CLBA1: variants seen among roughly 807,000 people sequenced by gnomAD.
CLBA1 encodes the protein uncharacterized protein CLBA1.
Under a neutral mutation model 28.8 loss-of-function variants are expected in CLBA1, and 30 were observed. The ratio of observed to expected loss-of-function variants is 1.04; its 90% confidence interval spans 0.78 to 1.41. The LOEUF is 1.41. Among genes scored for constraint, CLBA1 ranks in the 40% most tolerant of loss-of-function variants. The probability of loss-of-function intolerance (pLI) is 0.00; values close to 1 mark genes in which losing one functional copy is unlikely to be tolerated. For missense variants in CLBA1, 451 were observed against 412.3 expected, an observed-to-expected ratio of 1.09 and a Z score of -0.81; for synonymous variants, 160 against 152.8, an observed-to-expected ratio of 1.05 and a Z score of -0.35.
chr14:104,996,690 T>C (rs980218124), downstream of CLBA1, among the ~76,000 whole-genome samples: 2 of 152,246 alleles, frequency 1.3e-5, no homozygotes, highest in Non-Finnish European at 2.9e-5. Flanking sequence ...GCAGTCCGGC[T>C]GAAGAACGGA....
chr14:104,989,924 G>A (rs2819465), intron 2 of CLBA1: 12,871 of 342,950 alleles, frequency 0.038, 1,614 homozygotes, highest in African/African-American at 0.26. Flanking sequence ...CGTGTCCTCT[G>A]CTGGGGTCCA....
At chr14:104,998,390 G>A (rs1430723931), downstream of CLBA1, among the ~76,000 whole-genome samples, 2 of 151,614 alleles carry the variant, frequency 1.3e-5, no homozygotes, top group East Asian at 3.9e-4. Context: ...CTCCAGCCTG[G>A]GCAACAGAGT....
downstream of CLBA1, among the ~76,000 whole-genome samples, chr14:104,997,669 G>A (rs2140901537): frequency 6.6e-6 from 1 of 152,312 alleles, no homozygotes; most frequent in East Asian, 1.9e-4. Flanking sequence ...CACATCTGCG[G>A]TGCTGAAGGG....
In CLBA1 at chr14:104,994,579, T is replaced by G; in HGVS notation, c.817-19T>G. ...ATTGCCCGGGGTGCGCGCGCCTGACTGCTGTCCTCTCATCTCAGCTCTCGG... is the reference window on the plus strand; with the variant it reads ...ATTGCCCGGGGTGCGCGCGCCTGACGGCTGTCCTCTCATCTCAGCTCTCGG... On this transcript the variant is annotated intron_variant, in intron 4 of 4. Coordinates refer to ENST00000547315, the MANE Select transcript of CLBA1 (RefSeq NM_174891.4). 1 of 1,595,596 alleles carries G rather than the reference T, an allele frequency of 6.3e-7. No homozygotes were observed. The highest frequency in any genetic ancestry group is 8.5e-7 in the Non-Finnish European group (1 of 1,176,036).
intron 1 of CLBA1, 112 bp from the exon 2 acceptor site, chr14:104,988,831 T>C (rs1595442241): frequency 9.0e-7 from 1 of 1,112,844 alleles, no homozygotes; most frequent in East Asian, 2.4e-5. Context: ...GTAACACTAA[T>C]GGTATGATCA....
At position 104,990,106 on chromosome 14, in the gene CLBA1, C is replaced by T. The variant is rs1402634721; in HGVS notation, c.569+1018C>T. ...GGAGAATGTGGTCCCAGCAAGCTGA[C>T]GGTGGGGGTGGGCTCTGTGCTGGCA... On this transcript the variant is annotated intron_variant, in intron 2 of 4. Coordinates refer to ENST00000547315, the MANE Select transcript of CLBA1 (RefSeq NM_174891.4). 2.6e-5 allele frequency: 5 copies of T among 190,208 alleles called. 1 individual carries two copies. Among genetic ancestry groups the T allele is most frequent in the South Asian group, 2.1e-4 (2 of 9,450 alleles). The allele number at this position is 190,208 out of a possible 1,614,324, so 11.8% of individuals were successfully genotyped here. A position where few individuals can be genotyped will look rare whatever the true frequency, so the allele number is the denominator to read the frequency against.
Position 104,986,866 on chromosome 14 carries a change from G to C in CLBA1, c.423+12G>C. ...TCCCACCTTCTGAGGTATTTCTGCTGTGCTGTGGTCACCATGTTGAGTGGG... is the reference window on the plus strand; with the variant it reads ...TCCCACCTTCTGAGGTATTTCTGCTCTGCTGTGGTCACCATGTTGAGTGGG... On this transcript the variant is annotated intron_variant, in intron 1 of 4. Coordinates refer to ENST00000547315, the MANE Select transcript of CLBA1 (RefSeq NM_174891.4). 1 of 1,611,324 alleles carries C rather than the reference G, an allele frequency of 6.2e-7. No homozygotes were observed.
At chr14:104,988,920 T>C in intron 1 of CLBA1, 23 bp from the exon 2 acceptor site, 1 of 1,579,554 alleles carries the variant, frequency 6.3e-7, no homozygotes. Context: ...AACTTTGGTA[T>C]GCTTTTCTTC....
intron 2 of CLBA1, 124 bp from the exon 3 acceptor site, chr14:104,991,367 G>A (rs1900013502): frequency 4.2e-6 from 5 of 1,189,228 alleles, no homozygotes; most frequent in Non-Finnish European, 4.8e-6. Flanking sequence ...TACGCCTCTT[G>A]GCTTGTGCGC....
chr14:104,998,845 CAGTGCA>C (rs376736134), downstream of CLBA1, among the ~76,000 whole-genome samples: 5 of 152,256 alleles, frequency 3.3e-5, no homozygotes, highest in African/African-American at 1.2e-4. Context: ...GGAGCAGAGC[CAGTGCA>C]AACACGGGGC....
chr14:104,993,962 C>T (rs1170416996), intron 4 of CLBA1: 1 of 985,010 alleles, frequency 1.0e-6, no homozygotes, highest in Non-Finnish European at 1.2e-6. Flanking sequence ...CCAGGGTCAG[C>T]TTCTGGGCAA....
In CLBA1 at chr14:104,989,505, T is replaced by A. The variant is rs1318199881; in HGVS notation, c.569+417T>A. The A allele has an allele frequency of 4.5e-5, 20 of 444,746 alleles. No homozygotes were observed. In the East Asian group the frequency reaches 1.4e-3, roughly 31 times the overall value. 27.5% of individuals were successfully genotyped at this position (444,746 alleles called of 1,614,324 possible). A position where few individuals can be genotyped will look rare whatever the true frequency, so the allele number is the denominator to read the frequency against. On this transcript the variant is annotated intron_variant, in intron 2 of 4. Transcript: ENST00000547315. ...TCAGCCACAGAGTTCTAGAAAACGT[T>A]CCACACTCTGGAGCCCCATTGTCAG...
chr14:104,994,212 C>T (rs186604359), intron 4 of CLBA1: 9 of 985,428 alleles, frequency 9.1e-6, no homozygotes, highest in Non-Finnish European at 1.1e-5. Context: ...GGGGAGACGT[C>T]CAGCCGCAGC....
chr14:104,992,082 GCACATGCCTCA>G (rs1447887931), intron 3 of CLBA1, among the ~76,000 whole-genome samples: 1 of 121,792 alleles, frequency 8.2e-6, no homozygotes, highest in Non-Finnish European at 1.7e-5. Flanking sequence ...ACCCCGCCAC[GCACATGCCTCA>G]CACACCACCA....
At position 104,995,357 on chromosome 14, in the gene CLBA1, G is replaced by A; in HGVS notation, c.*598G>A. 1.0e-6 allele frequency: 1 copy of A among 985,474 alleles called. No individual in the cohort carries two copies. Among genetic ancestry groups the A allele is most frequent in the South Asian group, 4.7e-5 (1 of 21,280 alleles). 61.0% of individuals were successfully genotyped at this position (985,474 alleles called of 1,614,324 possible). A position where few individuals can be genotyped will look rare whatever the true frequency, so the allele number is the denominator to read the frequency against. On this transcript the variant is annotated 3_prime_UTR_variant, in exon 5 of 5. Transcript: ENST00000547315. ...CAAGGACAGGCCTTTGTCCCTCACG[G>A]TTGTGGACAGGAGGTCGCACCACTG...
rs754114069 is a variant in CLBA1 at position 104,994,690 on chromosome 14, T to C, written c.909T>C (p.Thr303=). Residue 303 remains threonine, a synonymous_variant, in exon 5 of 5, where the codon ACT becomes ACC. Coordinates refer to ENST00000547315, the MANE Select transcript of CLBA1 (RefSeq NM_174891.4). ...TPSCGGGQHI[T]IPRKRMFTPR... Reference sequence around the variant, plus strand: ...CATGCGGAGGTGGCCAGCACATCACTATTCCAAGGAAAAGGATGTTCACTC... The same window carrying C: ...CATGCGGAGGTGGCCAGCACATCACCATTCCAAGGAAAAGGATGTTCACTC... 1.9e-6 allele frequency: 3 copies of C among 1,613,992 alleles called. No individual in the cohort carries two copies. Among genetic ancestry groups the C allele is most frequent in the Non-Finnish European group, 2.5e-6 (3 of 1,179,932 alleles).
chr14:104,993,484 G>A lies in CLBA1; in HGVS notation c.816+420G>A, dbSNP rs371598719. ...GGATCTGACTGGCGGCTTCAGTCAC[G>A]GGCCGCTTACCCTACACAGGGTCTG... On this transcript the variant is annotated intron_variant, in intron 4 of 4. Transcript: ENST00000547315. The A allele has an allele frequency of 4.3e-4, 423 of 985,396 alleles. 2 individuals are homozygous for A. The African/African-American group carries it at 6.6e-3, about 15-fold the overall frequency. 61.0% of individuals were successfully genotyped at this position (985,396 alleles called of 1,614,324 possible). A position where few individuals can be genotyped will look rare whatever the true frequency, so the allele number is the denominator to read the frequency against.
intron 2 of CLBA1, 179 bp from the exon 3 acceptor site, chr14:104,991,312 C>G (rs1900011606): frequency 4.9e-6 from 3 of 606,450 alleles, no homozygotes. Flanking sequence ...GCGTGAGCCA[C>G]TGTGCCCAGC....
intron 2 of CLBA1, among the ~76,000 whole-genome samples, chr14:105,000,746 T>C (rs1900252094): frequency 6.6e-6 from 1 of 152,058 alleles, no homozygotes; most frequent in Non-Finnish European, 1.5e-5. Flanking sequence ...TCTAAACAGA[T>C]GAAATGTCGG....
Sources: allele counts gnomAD v4.1 joint callset (sites outside exome capture counted in the v4.1 genomes callset), GRCh38; gene constraint gnomAD v4.1.1; transcripts MANE v1.5; gene names NCBI Gene and HGNC (gene_info 2026-07-23, HGNC 2026-07-21).